The following USP32 variants were observed in gnomAD, a reference collection of about 807,000 sequenced individuals.
USP32 encodes ubiquitin carboxyl-terminal hydrolase 32.
USP32 carries 59 observed loss-of-function variants against 204.8 expected under a neutral mutation model. The observed-to-expected ratio is 0.29, with a 90% CI of 0.23 to 0.36. USP32 has a LOEUF of 0.36. Ranked by LOEUF, USP32 falls within the 10% of genes least tolerant of loss-of-function variation. The pLI is 1.00. For synonymous variants in USP32, 517 were observed against 678.4 expected (o/e 0.76, Z 3.70); for missense variants, 1,160 against 1,946.4 (o/e 0.60, Z 7.60).
At chr17:60,278,753 G>A (rs769148126) in intron 5 of USP32, among the ~76,000 whole-genome samples, 2 of 152,192 alleles carry the variant, frequency 1.3e-5, no homozygotes, top group African/African-American at 2.4e-5. Flanking sequence ...CAGTCACAAC[G>A]TAGACATTTC....
chr17:60,270,344 T>C (rs184951585), intron 6 of USP32, among the ~76,000 whole-genome samples: 47 of 152,300 alleles, frequency 3.1e-4, no homozygotes, highest in Admixed American at 2.6e-4. Context: ...ACAGATAGTA[T>C]ATTCCCAGAA....
intron 9 of USP32, 102 bp downstream of exon 9, chr17:60,265,310 G>A (rs1339750749): frequency 1.5e-5 from 11 of 738,814 alleles, no homozygotes; most frequent in Admixed American, 2.7e-5. Flanking sequence ...GTACTTGGTA[G>A]GGAGGATGCC....
intron 30 of USP32, among the ~76,000 whole-genome samples, chr17:60,183,658 CACTCA>C (rs1229548334): frequency 1.3e-5 from 2 of 152,262 alleles, no homozygotes; most frequent in African/African-American, 4.8e-5. Context: ...TGTGCACACA[CACTCA>C]ACTCAGCAGT....
intron 1 of USP32, among the ~76,000 whole-genome samples, chr17:60,383,348 C>A (rs1188753810): frequency 6.6e-6 from 1 of 151,890 alleles, no homozygotes; most frequent in Non-Finnish European, 1.5e-5. Flanking sequence ...TATTTTTTAC[C>A]CCCCGATCTG....
chr17:60,391,011 T>G (rs1555624206), intron 1 of USP32, among the ~76,000 whole-genome samples: 1 of 151,672 alleles, frequency 6.6e-6, no homozygotes, highest in Non-Finnish European at 1.5e-5. Context: ...GGTATCAGAG[T>G]GAGTGGTAGG....
chr17:60,246,213 A>G (rs2086020064), intron 11 of USP32, among the ~76,000 whole-genome samples: 1 of 151,826 alleles, frequency 6.6e-6, no homozygotes, highest in Admixed American at 6.6e-5. Context: ...CCATCATAAT[A>G]CTCTCTAATT....
chr17:60,403,666 G>A (rs940082161), intron 1 of USP32, among the ~76,000 whole-genome samples: 10 of 152,136 alleles, frequency 6.6e-5, no homozygotes, highest in African/African-American at 2.2e-4. Context: ...AGGGGGTCGT[G>A]ATGTATTGAA....
intron 2 of USP32, among the ~76,000 whole-genome samples, chr17:60,343,244 G>A (rs971002440): frequency 5.9e-5 from 9 of 151,996 alleles, no homozygotes; most frequent in African/African-American, 1.9e-4. Flanking sequence ...ACAGATCAAC[G>A]AGACAGAAGG....
chr17:60,372,544 A>T (rs928132640), intron 1 of USP32, among the ~76,000 whole-genome samples: 22 of 135,898 alleles, frequency 1.6e-4, no homozygotes, highest in South Asian at 6.8e-4. Context: ...CCTTAAAGAT[A>T]AAAAAAAAAA....
chr17:60,395,428 G>A (rs553575545), upstream of USP32, among the ~76,000 whole-genome samples: 17 of 152,322 alleles, frequency 1.1e-4, no homozygotes, highest in Middle Eastern at 0.031. Flanking sequence ...AATTTTAAGT[G>A]TTAAACCCAG....
At chr17:60,298,135 T>C (rs925978235) in intron 3 of USP32, among the ~76,000 whole-genome samples, 10 of 148,758 alleles carry the variant, frequency 6.7e-5, no homozygotes, top group African/African-American at 2.6e-4. Flanking sequence ...CATTTAAATA[T>C]TAAGTTTCCA....
chr17:60,409,352 AC>A (rs2143068570), intron 1 of USP32, among the ~76,000 whole-genome samples: 1 of 152,348 alleles, frequency 6.6e-6, no homozygotes, highest in East Asian at 1.9e-4. Context: ...CGTCTCAAAA[AC>A]AAAAACAAAA....
intron 2 of USP32, among the ~76,000 whole-genome samples, chr17:60,335,499 G>C (rs2088494298): frequency 7.0e-6 from 1 of 142,828 alleles, no homozygotes; most frequent in Admixed American, 6.8e-5. Context: ...ATTGTGGTCT[G>C]GTGACCTATA....
At chr17:60,336,608 TG>T (rs1369744910) in intron 2 of USP32, among the ~76,000 whole-genome samples, 6 of 141,384 alleles carry the variant, frequency 4.2e-5, no homozygotes, top group Non-Finnish European at 9.0e-5. Flanking sequence ...CCCAGCTACT[TG>T]GGAGGCTGAG....
At chr17:60,267,483 C>A (rs555845032) in intron 7 of USP32, among the ~76,000 whole-genome samples, 1 of 152,266 alleles carries the variant, frequency 6.6e-6, no homozygotes, top group South Asian at 2.1e-4. Flanking sequence ...TCCAGTATAA[C>A]TAATGTACAT....
chr17:60,329,569 A>G (rs1006024561), intron 2 of USP32, among the ~76,000 whole-genome samples: 10 of 151,676 alleles, frequency 6.6e-5, no homozygotes, highest in Non-Finnish European at 8.8e-5. Context: ...TCAGCCTCCC[A>G]AAGTGCTAGG....
rs938111663 is a variant in USP32, at chr17:60,420,864, T to C, written c.106+1382A>G. Reference sequence around the variant, plus strand: ...ACAAAAATGGAATCATACCTTTTAGTTCCTGTTTTCCATGTCAATAGATAT... The same window carrying C: ...ACAAAAATGGAATCATACCTTTTAGCTCCTGTTTTCCATGTCAATAGATAT... On this transcript the variant is annotated intron_variant, in intron 1 of 3. Coordinates refer to the USP32 transcript ENST00000588898. 7.6e-4 allele frequency among the ~76,000 whole-genome samples: 115 copies of C among 152,226 alleles called. 2 individuals are homozygous for C. The highest frequency in any genetic ancestry group is 2.6e-3 in the African/African-American group (106 of 41,460).
chr17:60,360,761 G>A (rs2089190085), intron 1 of USP32, among the ~76,000 whole-genome samples: 1 of 152,068 alleles, frequency 6.6e-6, no homozygotes, highest in Non-Finnish European at 1.5e-5. Context: ...TGTTGTGCTG[G>A]GATTAATTTT....
At chr17:60,373,218 A>T (rs986805508) in intron 1 of USP32, among the ~76,000 whole-genome samples, 5 of 152,034 alleles carry the variant, frequency 3.3e-5, no homozygotes, top group Non-Finnish European at 7.4e-5. Context: ...ATCTTTTTTT[A>T]AAAAAGGTAC....
Sources: allele counts gnomAD v4.1 joint callset (sites outside exome capture counted in the v4.1 genomes callset), GRCh38; gene constraint gnomAD v4.1.1; transcripts MANE v1.5; gene names NCBI Gene and HGNC (gene_info 2026-07-23, HGNC 2026-07-21).